Variants in XRN2 observed in about 807,000 individuals in gnomAD.
The protein encoded by XRN2 is 5'-3' exoribonuclease 2.
A neutral mutation model predicts 138.5 loss-of-function variants in XRN2; 44 were observed. The observed-to-expected ratio is 0.32, with a 90% CI of 0.25 to 0.41. The LOEUF is 0.41. Ranked by LOEUF, XRN2 falls within the 10% of genes least tolerant of loss-of-function variation. XRN2 has a pLI of 1.00. For synonymous variants in XRN2, 354 were observed against 369.4 expected (o/e 0.96, Z 0.48); for missense variants, 937 against 1,169.3 (o/e 0.80, Z 2.90).
chr20:21,312,018 T>G (rs1475582571), intron 1 of XRN2, among the ~76,000 whole-genome samples: 1 of 152,118 alleles, frequency 6.6e-6, no homozygotes, highest in East Asian at 1.9e-4. Flanking sequence ...AGATTATTGA[T>G]ATGGTTAGAT....
At chr20:21,359,939 C>T (rs1021842855) in intron 24 of XRN2, among the ~76,000 whole-genome samples, 3 of 151,962 alleles carry the variant, frequency 2.0e-5, no homozygotes, top group East Asian at 3.9e-4. Context: ...TTTGAGAAAT[C>T]GTTTCCTCAA....
intron 29 of XRN2, among the ~76,000 whole-genome samples, chr20:21,388,460 T>G (rs1048051452): frequency 2.6e-5 from 4 of 152,234 alleles, no homozygotes; most frequent in African/African-American, 9.6e-5. Flanking sequence ...GAAGCACTAT[T>G]AAATTGCAGA....
In XRN2 at chr20:21,331,803, T is replaced by G; in HGVS notation, c.685T>G (p.Leu229Val). 6.2e-7 allele frequency: 1 copy of G among 1,610,364 alleles called. No homozygotes were observed. Among genetic ancestry groups the G allele is most frequent in the Non-Finnish European group, 8.5e-7 (1 of 1,179,096 alleles). The change falls in exon 8 of 30, where the codon TTA becomes GTA. Residue 229 changes from leucine to valine, a missense_variant. Around this residue, in one of 6 missense-constraint regions of XRN2, gnomAD observed 471 missense variants for 581.2 expected, o/e 0.81. Coordinates refer to ENST00000377191, the MANE Select transcript of XRN2 (RefSeq NM_012255.5). ...CCATGACCCAAATACTCATCATTGT[T>G]TATGTGGAGCAGATGGTAAGTTTCT... ...PNHDPNTHHC[L>V]CGADADLIML...
Position 21,349,468 on chromosome 20 carries a change from T to C in XRN2, c.1936+7T>C. The C allele has an allele frequency of 6.3e-7, 1 of 1,587,554 alleles. No homozygotes were observed. Reference sequence around the variant, plus strand: ...AAGAAATATGCATGGCAAGGTAAAATTTAGACGTTCTTTTCTGGTAAAACT... The same window carrying C: ...AAGAAATATGCATGGCAAGGTAAAACTTAGACGTTCTTTTCTGGTAAAACT... On this transcript the variant is annotated splice_region_variant and intron_variant, in intron 20 of 29. Coordinates refer to ENST00000377191, the MANE Select transcript of XRN2 (RefSeq NM_012255.5).
intron 13 of XRN2, among the ~76,000 whole-genome samples, chr20:21,335,752 G>A (rs1183028609): frequency 6.6e-6 from 1 of 152,170 alleles, no homozygotes; most frequent in Non-Finnish European, 1.5e-5. Flanking sequence ...AGCTTCTACT[G>A]TCTCTTTAGC....
chr20:21,365,906 A>T (rs1364987312), intron 26 of XRN2, among the ~76,000 whole-genome samples: 17 of 85,858 alleles, frequency 2.0e-4, no homozygotes, highest in African/African-American at 7.8e-4. Flanking sequence ...TTATATATAT[A>T]ATATATATAA....
At chr20:21,350,525 CAAAAAAAAAAA>C (rs11484426) in intron 20 of XRN2, among the ~76,000 whole-genome samples, 9 of 58,946 alleles carry the variant, frequency 1.5e-4, no homozygotes, top group Admixed American at 6.1e-4. Context: ...GACTCCGTCT[CAAAAAAAAAAA>C]AAAAAAAAAA....
chr20:21,329,858 T>G (rs1237585691), intron 4 of XRN2, among the ~76,000 whole-genome samples: 1 of 9,166 alleles, frequency 1.1e-4, no homozygotes, highest in East Asian at 7.9e-3. Context: ...CTCTAACTGG[T>G]GTGTGTGTGT....
intron 23 of XRN2, 76 bp from the exon 24 acceptor site, chr20:21,357,660 A>G (rs2038591941): frequency 5.8e-6 from 7 of 1,214,970 alleles, no homozygotes; most frequent in Non-Finnish European, 8.0e-6. Flanking sequence ...ACTAACAAAC[A>G]TAGCAACATC....
At position 21,333,434 on chromosome 20, in the gene XRN2, T is replaced by C. The variant is rs551675327; in HGVS notation, c.859-110T>C. 4.7e-4 allele frequency: 509 copies of C among 1,086,650 alleles called. 1 individual carries two copies. The highest frequency in any genetic ancestry group is 6.2e-4 in the Non-Finnish European group (442 of 718,158). 67.3% of individuals were successfully genotyped at this position (1,086,650 alleles called of 1,614,324 possible). On this transcript the variant is annotated intron_variant, in intron 9 of 29. Transcript: ENST00000377191. ...GGTGAGCTTTTAAAAATTAAATACT[T>C]GTGATATTAAAATGGATTGTGCGTT... is the stretch of plus-strand genomic sequence containing the variant.
intron 23 of XRN2, among the ~76,000 whole-genome samples, chr20:21,357,148 G>A (rs1054458048): frequency 2.6e-5 from 4 of 152,036 alleles, no homozygotes; most frequent in Admixed American, 6.6e-5. Context: ...GTATCTTTTA[G>A]TATTTTAAAA....
intron 1 of XRN2, among the ~76,000 whole-genome samples, chr20:21,326,066 A>C (rs1230961628): frequency 6.6e-6 from 1 of 152,254 alleles, no homozygotes; most frequent in Non-Finnish European, 1.5e-5. Context: ...CTACATTGTC[A>C]AAAATAACTT....
chr20:21,328,727 G>C, intron 4 of XRN2, 57 bp downstream of exon 4: 1 of 1,499,784 alleles, frequency 6.7e-7, no homozygotes, highest in Non-Finnish European at 9.1e-7. Context: ...CAGAATGAGG[G>C]GGTGGTGGCA....
intron 18 of XRN2, 27 bp from the exon 19 acceptor site, chr20:21,348,314 G>A (rs62217931): frequency 0.054 from 87,047 of 1,611,716 alleles, 3,619 homozygotes; most frequent in African/African-American, 0.21. Flanking sequence ...AATAATCTTG[G>A]GTCTTTAATG....
At chr20:21,344,589 C>T (rs1168794938) in intron 16 of XRN2, among the ~76,000 whole-genome samples, 1 of 152,180 alleles carries the variant, frequency 6.6e-6, no homozygotes, top group African/African-American at 2.4e-5. Context: ...TATACTTAGA[C>T]ACTTAATATA....
intron 28 of XRN2, among the ~76,000 whole-genome samples, chr20:21,386,306 A>G (rs1306500750): frequency 6.6e-6 from 1 of 152,258 alleles, no homozygotes; most frequent in African/African-American, 2.4e-5. Context: ...AGCTGCATCA[A>G]TAGAACTTGA....
chr20:21,348,427 T>G lies in XRN2; in HGVS notation c.1860T>G (p.Asp620Glu). 1 of 1,613,716 alleles carries G rather than the reference T, an allele frequency of 6.2e-7. No homozygotes were observed. The highest frequency in any genetic ancestry group is 8.5e-7 in the Non-Finnish European group (1 of 1,179,780). Residue 620 changes from aspartate to glutamate, a missense_variant, in exon 19 of 30, where the codon GAT becomes GAG. Coordinates refer to ENST00000377191, the MANE Select transcript of XRN2 (RefSeq NM_012255.5). Reference sequence around the variant, plus strand: ...CATCATGGCGGAAGCTCATGAGTGATCCTGTGAGTCTCAGTATTTTGAGTG... The same window carrying G: ...CATCATGGCGGAAGCTCATGAGTGAGCCTGTGAGTCTCAGTATTTTGAGTG... The part of the protein sequence containing the change: ...LPPSWRKLMS[D>E]PDSSIIDFYP...
chr20:21,345,064 ATTCTTTGAT>A (rs2038418999), intron 16 of XRN2, among the ~76,000 whole-genome samples: 1 of 152,216 alleles, frequency 6.6e-6, no homozygotes, highest in Admixed American at 6.5e-5. Context: ...TTTTTCTAAC[ATTCTTTGAT>A]TTCAGATCCA....
intron 28 of XRN2, among the ~76,000 whole-genome samples, chr20:21,382,830 C>T (rs1012586996): frequency 6.6e-6 from 1 of 152,168 alleles, no homozygotes; most frequent in East Asian, 1.9e-4. Context: ...TTTTTAAAGG[C>T]CAGCTTTAAG....
Sources: gnomAD v4.1 joint callset for allele counts (sites outside exome capture counted in the v4.1 genomes callset) on GRCh38, gnomAD v4.1.1 for gene constraint, gnomAD v4.1.1 regional missense constraint, MANE v1.5 for transcripts, NCBI Gene and HGNC (gene_info 2026-07-23, HGNC 2026-07-21) for gene names.